The following XRCC1 variants were observed in gnomAD, a reference collection of about 807,000 sequenced individuals.
XRCC1 encodes DNA repair protein XRCC1.
A neutral mutation model predicts 83.3 loss-of-function variants in XRCC1; 52 were observed. The ratio of observed to expected loss-of-function variants is 0.62; its 90% CI spans 0.50 to 0.79. XRCC1 has a LOEUF of 0.79. Ranked by LOEUF, XRCC1 falls within the 30% of genes least tolerant of loss-of-function variation. The pLI, the probability that XRCC1 is intolerant of heterozygous loss-of-function variation, is 0.00. For synonymous variants in XRCC1, 281 were observed against 312.6 expected, an observed-to-expected ratio of 0.90 and a Z score of 1.07; for missense variants, 793 against 823.5, an observed-to-expected ratio of 0.96 and a Z score of 0.45.
At chr19:43,544,592 T>C (rs535422680) in intron 14 of XRCC1, among the ~76,000 whole-genome samples, 1 of 152,094 alleles carries the variant, frequency 6.6e-6, no homozygotes, top group East Asian at 1.9e-4. Flanking sequence ...CTGCAACCTC[T>C]GCCTCCTGGG....
chr19:43,561,170 C>T (rs994103221), intron 2 of XRCC1, 150 bp from the exon 3 acceptor site: 16 of 680,360 alleles, frequency 2.4e-5, no homozygotes, highest in Non-Finnish European at 4.0e-5. Context: ...CCATGTGTCC[C>T]CTCCATGCAG....
Position 43,574,953 on chromosome 19 carries a change from C to T in XRCC1, c.101G>A (p.Arg34Gln), listed in dbSNP as rs1335170067. 2 of 1,614,118 alleles carry T rather than the reference C, an allele frequency of 1.2e-6. No individual in the cohort carries two copies. Among genetic ancestry groups the T allele is most frequent in the South Asian group, 1.1e-5 (1 of 91,076 alleles). The change falls in exon 2 of 17, where the codon CGG becomes CAG. Residue 34 changes from arginine to glutamine, a missense_variant. Coordinates refer to ENST00000262887, the MANE Select transcript of XRCC1 (RefSeq NM_006297.3). ...LLKADTYRKW[R>Q]AAKAGEKTIS... The stretch of plus-strand genomic sequence containing the variant: ...GGTCTTCTCGCCTGCCTTGGCTGCC[C>T]GCCATTTTCGGTAAGTGTCTGCCTT...
intron 2 of XRCC1, among the ~76,000 whole-genome samples, chr19:43,563,610 G>A (rs1027129396): frequency 2.0e-5 from 3 of 152,142 alleles, no homozygotes; most frequent in East Asian, 1.9e-4. Context: ...GCCAAGAACA[G>A]TCTGGCTCCT....
intron 1 of XRCC1, 150 bp downstream of exon 1, chr19:43,575,258 A>C: frequency 1.0e-6 from 1 of 973,284 alleles, no homozygotes. Flanking sequence ...AACGTCCCTA[A>C]TTCAACATCT....
chr19:43,546,524 C>T (rs1972512106), intron 12 of XRCC1, 71 bp downstream of exon 12: 2 of 1,515,124 alleles, frequency 1.3e-6, no homozygotes, highest in African/African-American at 1.4e-5. Flanking sequence ...GACTCAGGAG[C>T]CCAGGCCGCA....
At chr19:43,558,989 A>T (rs1332789415) in intron 3 of XRCC1, among the ~76,000 whole-genome samples, 3 of 151,990 alleles carry the variant, frequency 2.0e-5, no homozygotes, top group Non-Finnish European at 2.9e-5. Context: ...ATTTTTTAAA[A>T]AATTAGCCGG....
chr19:43,568,924 C>G (rs1372985000), intron 2 of XRCC1, among the ~76,000 whole-genome samples: 2 of 151,338 alleles, frequency 1.3e-5, no homozygotes, highest in Non-Finnish European at 2.9e-5. Context: ...CTTTGTGGCT[C>G]TGTCTGTAAT....
At chr19:43,546,530 C>A (rs1203665065) in intron 12 of XRCC1, 65 bp downstream of exon 12, 4 of 1,543,288 alleles carry the variant, frequency 2.6e-6, no homozygotes, top group East Asian at 2.3e-5. Context: ...GGAGCCCAGG[C>A]CGCAGGCCCT....
Position 43,546,676 on chromosome 19 carries a change from G to A in XRCC1, c.1345C>T (p.Gln449Ter), listed in dbSNP as rs1157599912. 2.5e-6 allele frequency: 4 copies of A among 1,610,564 alleles called. No individual in the cohort carries two copies. Among genetic ancestry groups the A allele is most frequent in the Non-Finnish European group, 3.4e-6 (4 of 1,179,080 alleles). Residue 449 changes from glutamine to a stop codon, truncating the protein, a stop_gained, in exon 12 of 17, where the codon CAG (glutamine) becomes TAG (stop). Transcript: ENST00000262887. LOFTEE classifies it high-confidence loss of function. ...GTCTCTTCAGGGGTTGGGGGCTTCT[G>A]GGGTGAGCTGGGTCCAGCTGCCTGA... is the stretch of plus-strand genomic sequence containing the variant. ...PTQAAGPSSPQKPPTPEETKA... is the reference protein window; with the variant it reads ...PTQAAGPSSP
chr19:43,563,746 C>T (rs558149643), intron 2 of XRCC1, among the ~76,000 whole-genome samples: 111 of 152,238 alleles, frequency 7.3e-4, no homozygotes, highest in African/African-American at 2.4e-3. Flanking sequence ...TCACTTCAGA[C>T]CATAAGTAAC....
intron 9 of XRCC1, 118 bp downstream of exon 9, chr19:43,551,899 C>T: frequency 3.2e-6 from 4 of 1,233,738 alleles, no homozygotes; most frequent in Non-Finnish European, 4.6e-6. Context: ...AGAAAGAAAG[C>T]AAGTGAGAGA....
At chr19:43,547,772 T>C (rs1251306371) in intron 10 of XRCC1, among the ~76,000 whole-genome samples, 2 of 152,138 alleles carry the variant, frequency 1.3e-5, no homozygotes, top group Non-Finnish European at 2.9e-5. Context: ...AGTGCTGGGA[T>C]TACAGGCATG....
In XRCC1 at chr19:43,553,060, A is replaced by G. The variant is rs1265828708; in HGVS notation, c.633T>C (p.Tyr211=). The part of the protein sequence containing the change: ...VTASDPAGPS[Y]AAATLQASSA... Reference sequence around the variant, plus strand: ...TAGAAGCCTGGAGGGTAGCAGCTGCATAGCTAGGTCCTGCTGGGTCGCTGG... The same window carrying G: ...TAGAAGCCTGGAGGGTAGCAGCTGCGTAGCTAGGTCCTGCTGGGTCGCTGG... Residue 211 remains tyrosine, a synonymous_variant, in exon 7 of 17, where the codon TAT becomes TAC. Transcript: ENST00000262887. The G allele has an allele frequency of 1.3e-6, 2 of 1,591,734 alleles. No homozygotes were observed. The highest frequency in any genetic ancestry group is 1.7e-6 in the Non-Finnish European group (2 of 1,169,304).
At chr19:43,557,665 G>A (rs1283834567) in intron 3 of XRCC1, among the ~76,000 whole-genome samples, 1 of 151,766 alleles carries the variant, frequency 6.6e-6, no homozygotes, top group African/African-American at 2.4e-5. Flanking sequence ...TGGTGGCACA[G>A]GCCTGTAATC....
At chr19:43,560,127 A>C (rs547276197) in intron 3 of XRCC1, among the ~76,000 whole-genome samples, 1 of 152,098 alleles carries the variant, frequency 6.6e-6, no homozygotes, top group South Asian at 2.1e-4. Context: ...GCAGTGGCTC[A>C]CGCCTGTAAT....
chr19:43,545,013 T>G (rs909143456), intron 14 of XRCC1, among the ~76,000 whole-genome samples: 2 of 152,166 alleles, frequency 1.3e-5, no homozygotes, highest in African/African-American at 4.8e-5. Flanking sequence ...TTCTTCACCT[T>G]TGCTCTCCTT....
chr19:43,571,983 T>C lies in XRCC1; in HGVS notation c.144+2927A>G, dbSNP rs3213264. Reference sequence around the variant, plus strand: ...ATTCTGTCTTCAGCTCCACATGTGATCCCCAACTGCCTCCTGGATGCCACC... The same window carrying C: ...ATTCTGTCTTCAGCTCCACATGTGACCCCCAACTGCCTCCTGGATGCCACC... On this transcript the variant is annotated intron_variant, in intron 2 of 16. Transcript: ENST00000262887. Among the ~76,000 whole-genome samples, 468 of 152,306 alleles carry C rather than the reference T, an allele frequency of 3.1e-3. 3 individuals are homozygous for C. Among genetic ancestry groups the C allele is most frequent in the Middle Eastern group, 6.8e-3 (2 of 294 alleles).
At position 43,551,629 on chromosome 19, in the gene XRCC1, C is replaced by G. The variant is rs2271980; in HGVS notation, c.1141G>C (p.Val381Leu). 6.2e-7 allele frequency: 1 copy of G among 1,614,230 alleles called. No homozygotes were observed. The highest frequency in any genetic ancestry group is 8.5e-7 in the Non-Finnish European group (1 of 1,180,042). Residue 381 changes from valine to leucine, a missense_variant, in exon 10 of 17, where the codon GTG becomes CTG. Transcript: ENST00000262887. ...CAGTCCAGCACCCACTCCTTACGCACGATGCGGCCTCCCAGGCCTAGGACC... is the reference window on the plus strand; with the variant it reads ...CAGTCCAGCACCCACTCCTTACGCAGGATGCGGCCTCCCAGGCCTAGGACC... ...SQVLGLGGRI[V>L]RKEWVLDCHR...
At chr19:43,561,068 G>A in intron 2 of XRCC1, 48 bp from the exon 3 acceptor site, 1 of 1,453,456 alleles carries the variant, frequency 6.9e-7, no homozygotes, top group South Asian at 1.1e-5. Flanking sequence ...CTGCCTCTGG[G>A]CTCACTGTGG....
Sources: allele counts gnomAD v4.1 joint callset (sites outside exome capture counted in the v4.1 genomes callset), GRCh38; gene constraint gnomAD v4.1.1; transcripts MANE v1.5; gene names NCBI Gene and HGNC (gene_info 2026-07-23, HGNC 2026-07-21).